Variants in SUGCT observed in about 807,000 individuals in gnomAD.
SUGCT encodes the protein succinyl-CoA:glutarate CoA-transferase.
Under a neutral mutation model 55.0 loss-of-function variants are expected in SUGCT, and 41 were observed. That is an observed-to-expected ratio of 0.74 (90% CI 0.58 to 0.97). The LOEUF is 0.97. Among genes scored for constraint, SUGCT ranks in the 50% least tolerant of loss-of-function variants. The pLI is 0.00. For missense variants in SUGCT, 568 were observed against 547.8 expected, an observed-to-expected ratio of 1.04 and a Z score of -0.37; for synonymous variants, 187 against 200.4, an observed-to-expected ratio of 0.93 and a Z score of 0.56.
intron 12 of SUGCT, among the ~76,000 whole-genome samples, chr7:40,665,029 ATT>A (rs1178941669): frequency 6.6e-6 from 1 of 151,766 alleles, no homozygotes; most frequent in Non-Finnish European, 1.5e-5. Flanking sequence ...TGGCGATCTA[ATT>A]TTTTCTTATA....
chr7:40,281,782 A>T (rs993295803), intron 8 of SUGCT, among the ~76,000 whole-genome samples: 11 of 152,128 alleles, frequency 7.2e-5, no homozygotes, highest in African/African-American at 2.7e-4. Context: ...TCAGAAATAA[A>T]TACACACAGT....
the SUGCT span, among the ~76,000 whole-genome samples, chr7:41,024,181 A>C: frequency 7.9e-5 from 12 of 152,224 alleles, no homozygotes; most frequent in African/African-American, 2.4e-4. Flanking sequence ...ACCTTACACT[A>C]TACAGAAAAT....
chr7:41,003,682 C>T, the SUGCT span, among the ~76,000 whole-genome samples: 1 of 152,170 alleles, frequency 6.6e-6, no homozygotes, highest in Non-Finnish European at 1.5e-5. Context: ...TGATAGCTAT[C>T]TCTCTCTAGC....
At chr7:40,854,462 TTCTTTCTTTCTTTC>T (rs1333520720) in intron 13 of SUGCT, among the ~76,000 whole-genome samples, 6 of 144,646 alleles carry the variant, frequency 4.1e-5, no homozygotes, top group Non-Finnish European at 6.0e-5. Context: ...CTTTCTTTCT[TTCTTTCTTTCTTTC>T]TCTTTCTCTC....
At chr7:40,855,383 A>G (rs1252097979) in intron 13 of SUGCT, among the ~76,000 whole-genome samples, 1 of 151,620 alleles carries the variant, frequency 6.6e-6, no homozygotes, top group Non-Finnish European at 1.5e-5. Context: ...TCTTTCTCAC[A>G]TTTTTTAGAC....
intron 13 of SUGCT, among the ~76,000 whole-genome samples, chr7:40,781,333 G>C (rs903709815): frequency 1.3e-5 from 2 of 152,206 alleles, no homozygotes; most frequent in East Asian, 3.9e-4. Flanking sequence ...TAAAATGATA[G>C]CGATGGAAAT....
chr7:40,583,664 A>T (rs1337381720), intron 12 of SUGCT, among the ~76,000 whole-genome samples: 1 of 152,200 alleles, frequency 6.6e-6, no homozygotes, highest in Non-Finnish European at 1.5e-5. Context: ...ATAAATTGGC[A>T]AAGTATCTTA....
the SUGCT span, among the ~76,000 whole-genome samples, chr7:40,948,670 G>T: frequency 1.4e-3 from 190 of 138,232 alleles, no homozygotes; most frequent in Non-Finnish European, 1.4e-4. Flanking sequence ...TGTTCTCATT[G>T]TTCAACTCCC....
chr7:40,899,528 C>G, the SUGCT span, among the ~76,000 whole-genome samples: 1 of 152,132 alleles, frequency 6.6e-6, no homozygotes, highest in African/African-American at 2.4e-5. Flanking sequence ...ACGAAAAATA[C>G]AACAACAAAC....
At chr7:40,862,916 G>C (rs187547045), downstream of SUGCT, among the ~76,000 whole-genome samples, 2 of 152,076 alleles carry the variant, frequency 1.3e-5, no homozygotes, top group East Asian at 3.9e-4. Context: ...CCATCTCCTA[G>C]GGGTTAGAAG....
At chr7:40,957,447 CTTTTTTT>C in the SUGCT span, among the ~76,000 whole-genome samples, 190 of 76,080 alleles carry the variant, frequency 2.5e-3, 2 homozygotes, top group East Asian at 0.014. Context: ...GCAACCCCTG[CTTTTTTT>C]TTTTTTTTTT....
chr7:40,328,523 G>A (rs768925110), intron 9 of SUGCT, among the ~76,000 whole-genome samples: 1 of 152,152 alleles, frequency 6.6e-6, no homozygotes, highest in South Asian at 2.1e-4. Flanking sequence ...CAGGGCCTAA[G>A]GAGGGGGATA....
intron 12 of SUGCT, among the ~76,000 whole-genome samples, chr7:40,567,628 A>C (rs1188959434): frequency 6.6e-6 from 1 of 152,162 alleles, no homozygotes; most frequent in African/African-American, 2.4e-5. Flanking sequence ...GCTCTCAAGA[A>C]AGTGGGAACA....
chr7:40,898,309 C>G, the SUGCT span, among the ~76,000 whole-genome samples: 11 of 152,148 alleles, frequency 7.2e-5, no homozygotes, highest in Non-Finnish European at 1.5e-4. Flanking sequence ...TGCTGCTTTG[C>G]TGCGTTTAAG....
the SUGCT span, among the ~76,000 whole-genome samples, chr7:40,907,047 A>G: frequency 6.6e-6 from 1 of 151,446 alleles, no homozygotes; most frequent in African/African-American, 2.4e-5. Context: ...AGTTCAGGGT[A>G]GGAAGATGGA....
the SUGCT span, among the ~76,000 whole-genome samples, chr7:40,998,866 T>A: frequency 5.3e-5 from 8 of 152,352 alleles, no homozygotes; most frequent in Admixed American, 4.6e-4. Context: ...GAGAATAGCT[T>A]CCAGTGATTC....
At chr7:40,957,851 A>C in the SUGCT span, among the ~76,000 whole-genome samples, 1 of 152,114 alleles carries the variant, frequency 6.6e-6, no homozygotes, top group Admixed American at 6.5e-5. Flanking sequence ...CTTGTAAGGC[A>C]GGCCTGGTGG....
the SUGCT span, among the ~76,000 whole-genome samples, chr7:40,980,212 C>G: frequency 6.6e-6 from 1 of 152,080 alleles, no homozygotes; most frequent in Non-Finnish European, 1.5e-5. Flanking sequence ...CCTCACTAAT[C>G]CCATCATGAG....
intron 9 of SUGCT, among the ~76,000 whole-genome samples, chr7:40,410,011 C>A (rs1182213696): frequency 7.2e-5 from 11 of 152,064 alleles, no homozygotes; most frequent in Admixed American, 6.6e-5. Context: ...AGATATTTTA[C>A]ATCTTTTGGG....
Sources: gnomAD v4.1 joint callset for allele counts (sites outside exome capture counted in the v4.1 genomes callset) on GRCh38, gnomAD v4.1.1 for gene constraint, MANE v1.5 for transcripts, NCBI Gene and HGNC (gene_info 2026-07-23, HGNC 2026-07-21) for gene names.